Variants in PCSK5 observed in about 807,000 individuals in gnomAD.
PCSK5 encodes the protein proprotein convertase subtilisin/kexin type 5, also known as prohormone convertase 5.
A neutral mutation model predicts 233.2 loss-of-function variants in PCSK5; 129 were observed. That is an observed-to-expected ratio of 0.55 (90% CI 0.48 to 0.64). The LOEUF (loss-of-function observed/expected upper bound fraction) is 0.64, where lower values mean the gene tolerates loss of function less well. Ranked by LOEUF, PCSK5 falls within the 30% of genes least tolerant of loss-of-function variation. The pLI is 0.00. For synonymous variants in PCSK5, 825 were observed against 879.2 expected (o/e 0.94, Z 1.09); for missense variants, 2,076 against 2,430.1 (o/e 0.85, Z 3.06).
At chr9:76,327,808 C>A (rs1031750360) in intron 32 of PCSK5, among the ~76,000 whole-genome samples, 18 of 152,266 alleles carry the variant, frequency 1.2e-4, no homozygotes, top group African/African-American at 4.3e-4. Context: ...TAATAATTTT[C>A]TCTCATTTTG....
chr9:75,971,016 T>C (rs1825795252), intron 2 of PCSK5, among the ~76,000 whole-genome samples: 1 of 152,130 alleles, frequency 6.6e-6, no homozygotes, highest in Non-Finnish European at 1.5e-5. Flanking sequence ...GCTGCACCTA[T>C]CAACCCATCA....
At chr9:75,925,414 T>A (rs959498955) in intron 1 of PCSK5, among the ~76,000 whole-genome samples, 1 of 152,202 alleles carries the variant, frequency 6.6e-6, no homozygotes, top group Non-Finnish European at 1.5e-5. Flanking sequence ...TCTACTCGTT[T>A]ATTGAGTGTG....
At position 76,360,243 on chromosome 9, in the gene PCSK5, G is replaced by C. The variant is rs1430745551; in HGVS notation, c.*1321G>C. 1 of 152,178 alleles carries C rather than the reference G, an allele frequency of 6.6e-6. No homozygotes were observed. The highest frequency in any genetic ancestry group is 1.5e-5 in the Non-Finnish European group (1 of 68,068). 9.4% of individuals were successfully genotyped at this position (152,178 alleles called of 1,614,324 possible). On this transcript the variant is annotated 3_prime_UTR_variant, in exon 38 of 38. Coordinates refer to ENST00000674117, the MANE Select transcript of PCSK5 (RefSeq NM_001372043.1). The stretch of plus-strand genomic sequence containing the variant: ...CACCTACTACCAGATAACAAGCTAA[G>C]TAATTCCCCCCCAAAAATGCCCCAC...
At chr9:76,245,349 C>CA (rs959847391) in intron 24 of PCSK5, among the ~76,000 whole-genome samples, 5 of 150,594 alleles carry the variant, frequency 3.3e-5, no homozygotes, top group South Asian at 4.2e-4. Context: ...TAAGGAATTG[C>CA]AAAAAAAAGA....
chr9:76,303,150 C>T (rs949593592), intron 28 of PCSK5, among the ~76,000 whole-genome samples: 2 of 152,108 alleles, frequency 1.3e-5, no homozygotes, highest in Non-Finnish European at 2.9e-5. Context: ...ACTGCTTGTA[C>T]AGATCTCCCT....
intron 9 of PCSK5, among the ~76,000 whole-genome samples, chr9:76,126,353 C>T (rs1352026296): frequency 2.6e-5 from 4 of 152,226 alleles, no homozygotes; most frequent in Admixed American, 1.3e-4. Context: ...GTGGCTCACG[C>T]CTACAATCCC....
chr9:76,053,133 G>C (rs1407121037), intron 5 of PCSK5, among the ~76,000 whole-genome samples: 2 of 152,144 alleles, frequency 1.3e-5, no homozygotes, highest in East Asian at 3.9e-4. Flanking sequence ...CCTGGCAAAT[G>C]GTGCAAGCTG....
At chr9:76,075,403 C>G (rs891767053) in intron 7 of PCSK5, among the ~76,000 whole-genome samples, 3 of 151,862 alleles carry the variant, frequency 2.0e-5, no homozygotes, top group African/African-American at 7.3e-5. Context: ...TCTAGTTATC[C>G]GTGTTTGTAG....
intron 34 of PCSK5, among the ~76,000 whole-genome samples, chr9:76,334,140 G>A (rs192837939): frequency 4.3e-4 from 66 of 152,148 alleles, no homozygotes; most frequent in African/African-American, 1.4e-3. Flanking sequence ...TTATCAAACC[G>A]TCAGATCTCG....
chr9:76,161,382 C>T (rs1822845417), intron 12 of PCSK5, among the ~76,000 whole-genome samples: 1 of 151,778 alleles, frequency 6.6e-6, no homozygotes, highest in Non-Finnish European at 1.5e-5. Context: ...TACACAATTA[C>T]GTGATTAATG....
chr9:75,952,513 G>A (rs1824906766), intron 2 of PCSK5, among the ~76,000 whole-genome samples: 2 of 152,226 alleles, frequency 1.3e-5, no homozygotes, highest in African/African-American at 4.8e-5. Flanking sequence ...CAGTTCTGTT[G>A]AATTTTGACA....
intron 35 of PCSK5, among the ~76,000 whole-genome samples, chr9:76,348,261 AT>A (rs1830030597): frequency 6.6e-6 from 1 of 152,188 alleles, no homozygotes; most frequent in East Asian, 1.9e-4. Context: ...ATACAAAAAA[AT>A]TAGGCAAGTG....
At chr9:76,047,720 G>C (rs1298597960) in intron 5 of PCSK5, among the ~76,000 whole-genome samples, 2 of 152,102 alleles carry the variant, frequency 1.3e-5, no homozygotes, top group Admixed American at 6.6e-5. Flanking sequence ...GTTGTGAGGA[G>C]AAAACATTAA....
At chr9:75,909,217 C>T (rs756210396) in intron 1 of PCSK5, among the ~76,000 whole-genome samples, 9 of 151,588 alleles carry the variant, frequency 5.9e-5, no homozygotes, top group African/African-American at 1.7e-4. Flanking sequence ...GTCAGTTACT[C>T]TGGGAGGCTG....
chr9:75,924,030 C>T lies in PCSK5; in HGVS notation c.193-8349C>T, dbSNP rs117020939. Among the ~76,000 whole-genome samples the T allele has an allele frequency of 9.8e-3, 1,499 of 152,232 alleles. 12 individuals are homozygous for T. Among genetic ancestry groups the T allele is most frequent in the Non-Finnish European group, 0.017 (1,139 of 68,020 alleles). The stretch of plus-strand genomic sequence containing the variant: ...ATGATATTAAACCCCATTTCAAGAT[C>T]CTTAACTTAATCACACCTGCAAAGT... On this transcript the variant is annotated intron_variant, in intron 1 of 37. Transcript: ENST00000674117.
chr9:76,328,271 T>C (rs1156641680), intron 33 of PCSK5, 32 bp downstream of exon 33: 2 of 1,503,796 alleles, frequency 1.3e-6, no homozygotes, highest in African/African-American at 2.7e-5. Context: ...AGCTTTGTGT[T>C]TCCATCTCTC....
intron 3 of PCSK5, among the ~76,000 whole-genome samples, chr9:75,998,290 T>A (rs980444466): frequency 6.6e-6 from 1 of 152,190 alleles, no homozygotes; most frequent in Non-Finnish European, 1.5e-5. Flanking sequence ...GACTTTTCTT[T>A]CATTACTGTG....
intron 24 of PCSK5, among the ~76,000 whole-genome samples, chr9:76,275,906 C>T (rs1039475377): frequency 2.6e-5 from 4 of 152,184 alleles, no homozygotes; most frequent in African/African-American, 9.7e-5. Flanking sequence ...TTTGCAAATT[C>T]CTTGAGGTAG....
intron 1 of PCSK5, among the ~76,000 whole-genome samples, chr9:75,897,489 CTTT>C (rs58504698): frequency 3.3e-5 from 4 of 119,630 alleles, no homozygotes; most frequent in African/African-American, 9.8e-5. Flanking sequence ...TCTTTCTTTT[CTTT>C]TTTTTTTTTT....
Sources: allele counts gnomAD v4.1 joint callset (sites outside exome capture counted in the v4.1 genomes callset), GRCh38; gene constraint gnomAD v4.1.1; transcripts MANE v1.5; gene names NCBI Gene and HGNC (gene_info 2026-07-23, HGNC 2026-07-21).